The following PRKCE variants were observed in gnomAD, a reference collection of about 807,000 sequenced individuals.
PRKCE encodes the protein protein kinase C epsilon, also known as protein kinase C epsilon type.
A neutral mutation model predicts 85.4 loss-of-function variants in PRKCE; 16 were observed. The ratio of observed to expected loss-of-function variants is 0.19; its 90% CI spans 0.13 to 0.28. PRKCE has a LOEUF of 0.28. Among genes scored for constraint, PRKCE ranks in the 10% least tolerant of loss-of-function variants. PRKCE has a pLI of 1.00. For missense variants in PRKCE, 573 were observed against 975.2 expected, an observed-to-expected ratio of 0.59 and a Z score of 5.49; for synonymous variants, 388 against 371.5, an observed-to-expected ratio of 1.04 and a Z score of -0.51.
At chr2:46,096,671 T>C (rs1670711640) in intron 11 of PRKCE, among the ~76,000 whole-genome samples, 1 of 152,220 alleles carries the variant, frequency 6.6e-6, no homozygotes, top group Admixed American at 6.5e-5. Context: ...CTTACACTTC[T>C]AGCCTTCACA....
At chr2:45,667,886 G>C (rs1432258925) in intron 1 of PRKCE, among the ~76,000 whole-genome samples, 2 of 152,288 alleles carry the variant, frequency 1.3e-5, no homozygotes, top group African/African-American at 4.8e-5. Context: ...ATATGACAGG[G>C]AGATGGATTC....
chr2:45,759,609 C>T (rs1684275718), intron 1 of PRKCE, among the ~76,000 whole-genome samples: 2 of 152,294 alleles, frequency 1.3e-5, no homozygotes, highest in South Asian at 2.1e-4. Flanking sequence ...CAGACCTCCA[C>T]GTAGCTGTAA....
intron 2 of PRKCE, among the ~76,000 whole-genome samples, chr2:45,957,861 G>T (rs113667070): frequency 1.4e-4 from 22 of 151,834 alleles, no homozygotes; most frequent in African/African-American, 5.1e-4. Context: ...GCAGTGAGCT[G>T]TGATTATGCC....
At chr2:45,694,539 C>T (rs1051362393) in intron 1 of PRKCE, among the ~76,000 whole-genome samples, 6 of 152,200 alleles carry the variant, frequency 3.9e-5, no homozygotes, top group African/African-American at 1.4e-4. Flanking sequence ...GGACTAACAG[C>T]CTGTCCTATG....
In PRKCE at chr2:45,798,757, A is replaced by G. The variant is rs565780995; in HGVS notation, c.349-44243A>G. Among the ~76,000 whole-genome samples, 90 of 136,072 alleles carry G rather than the reference A, an allele frequency of 6.6e-4. 1 individual carries two copies. In the South Asian group the frequency reaches 0.018, roughly 27 times the overall value. The allele number at this position is 136,072 out of a possible 152,430, so 89.3% of individuals were successfully genotyped here. ...TCAAAGTGTATATGGGCCATGCTCA[A>G]CAGAAGTGGCTTTTTTTTTTTTACC... On this transcript the variant is annotated intron_variant, in intron 1 of 14. Transcript: ENST00000306156.
chr2:45,901,795 T>C (rs1306775960), intron 2 of PRKCE, among the ~76,000 whole-genome samples: 1 of 152,234 alleles, frequency 6.6e-6, no homozygotes, highest in Non-Finnish European at 1.5e-5. Context: ...AGTTGAATTC[T>C]TGGAAGTCTG....
chr2:45,940,153 C>A (rs1209310826), intron 2 of PRKCE, among the ~76,000 whole-genome samples: 1 of 152,202 alleles, frequency 6.6e-6, no homozygotes, highest in African/African-American at 2.4e-5. Flanking sequence ...TCCCTCAGAC[C>A]TCTTTTCCAG....
chr2:45,977,585 C>T (rs994770609), intron 3 of PRKCE, among the ~76,000 whole-genome samples: 2 of 151,296 alleles, frequency 1.3e-5, no homozygotes, highest in East Asian at 2.0e-4. Flanking sequence ...TGCAGTGAGC[C>T]GAGATCGCTA....
intron 1 of PRKCE, among the ~76,000 whole-genome samples, chr2:45,764,625 TC>T (rs949989336): frequency 6.6e-6 from 1 of 152,158 alleles, no homozygotes; most frequent in African/African-American, 2.4e-5. Context: ...GGTTTCAGCT[TC>T]CCAAATTTCT....
At chr2:45,980,688 A>G (rs749719322) in intron 5 of PRKCE, among the ~76,000 whole-genome samples, 1 of 152,190 alleles carries the variant, frequency 6.6e-6, no homozygotes, top group Non-Finnish European at 1.5e-5. Flanking sequence ...AAAATGGCTA[A>G]CCAATGTGTC....
chr2:46,120,647 C>CT (rs1673223103), intron 11 of PRKCE, among the ~76,000 whole-genome samples: 1 of 152,116 alleles, frequency 6.6e-6, no homozygotes. Context: ...ATGATGTAGG[C>CT]TTTTTTAACT....
intron 11 of PRKCE, among the ~76,000 whole-genome samples, chr2:46,122,893 T>G (rs34537879): frequency 4.7e-5 from 7 of 149,712 alleles, no homozygotes; most frequent in East Asian, 3.9e-4. Flanking sequence ...TTTTTTTTTT[T>G]TTTTTTTTTT....
intron 1 of PRKCE, among the ~76,000 whole-genome samples, chr2:45,816,335 G>C (rs1342685751): frequency 1.3e-5 from 2 of 152,092 alleles, no homozygotes; most frequent in African/African-American, 2.4e-5. Flanking sequence ...CTACCCCCTG[G>C]AGTGTCACGA....
intron 2 of PRKCE, among the ~76,000 whole-genome samples, chr2:45,916,259 A>G (rs1356726207): frequency 8.6e-6 from 1 of 116,494 alleles, no homozygotes; most frequent in Admixed American, 8.7e-5. Flanking sequence ...TTTTTTTTTT[A>G]GACAGGGTCT....
chr2:45,928,032 T>C (rs9808291), intron 2 of PRKCE, among the ~76,000 whole-genome samples: 15,702 of 152,148 alleles, frequency 0.1, 889 homozygotes, highest in African/African-American at 0.14. Context: ...TTGTTTGTTC[T>C]TTTGGGCTCT....
At chr2:46,143,278 C>T (rs1181846945) in intron 11 of PRKCE, among the ~76,000 whole-genome samples, 1 of 152,062 alleles carries the variant, frequency 6.6e-6, no homozygotes, top group African/African-American at 2.4e-5. Context: ...CAATTAGTAT[C>T]ACCATTGTGC....
intron 1 of PRKCE, among the ~76,000 whole-genome samples, chr2:45,812,239 G>T (rs78328366): frequency 0.016 from 2,396 of 152,346 alleles, 74 homozygotes; most frequent in African/African-American, 0.055. Flanking sequence ...GTCAGCACTT[G>T]TGAAAAATGT....
rs374322536 is a variant in PRKCE, at chr2:46,086,987, A to G, written c.1592+625A>G. Reference sequence around the variant, plus strand: ...GCACGCGCACACTGATTTTCCATGAAGAGAACAAAACTACAAAGGCTCTTC... The same window carrying G: ...GCACGCGCACACTGATTTTCCATGAGGAGAACAAAACTACAAAGGCTCTTC... On this transcript the variant is annotated intron_variant, in intron 11 of 14. Coordinates refer to ENST00000306156, the MANE Select transcript of PRKCE (RefSeq NM_005400.3). 2.0e-5 allele frequency among the ~76,000 whole-genome samples: 3 copies of G among 152,302 alleles called. No individual in the cohort carries two copies. The South Asian group carries it at 6.2e-4, about 32-fold the overall frequency.
At chr2:46,171,144 C>CG (rs1678853046) in intron 14 of PRKCE, among the ~76,000 whole-genome samples, 1 of 152,182 alleles carries the variant, frequency 6.6e-6, no homozygotes, top group African/African-American at 2.4e-5. Flanking sequence ...CATCCTGCTG[C>CG]GGGGGGCCAG....
Sources: allele counts gnomAD v4.1 joint callset (sites outside exome capture counted in the v4.1 genomes callset), GRCh38; gene constraint gnomAD v4.1.1; transcripts MANE v1.5; gene names NCBI Gene and HGNC (gene_info 2026-07-23, HGNC 2026-07-21).